Variants in ARID4A observed in about 807,000 individuals in gnomAD.
ARID4A encodes AT-rich interaction domain 4A, also known as AT-rich interactive domain-containing protein 4A.
A neutral mutation model predicts 148.6 loss-of-function variants in ARID4A; 39 were observed. The ratio of observed to expected loss-of-function variants is 0.26; its 90% CI spans 0.20 to 0.34. ARID4A has a LOEUF of 0.34. Ranked by LOEUF, ARID4A falls within the 10% of genes least tolerant of loss-of-function variation. ARID4A has a pLI of 1.00. For missense variants in ARID4A, 1,265 were observed against 1,449.1 expected, an observed-to-expected ratio of 0.87 and a Z score of 2.06; for synonymous variants, 475 against 481.2, an observed-to-expected ratio of 0.99 and a Z score of 0.17.
intron 5 of ARID4A, among the ~76,000 whole-genome samples, chr14:58,307,679 G>C (rs1337936739): frequency 1.3e-5 from 2 of 152,158 alleles, no homozygotes; most frequent in African/African-American, 4.8e-5. Context: ...AATTAGCTGG[G>C]TGTGGTGGTG....
At chr14:58,302,454 G>A (rs4638492) in intron 3 of ARID4A, among the ~76,000 whole-genome samples, 106,775 of 151,730 alleles carry the variant, frequency 0.7, 37,936 homozygotes, top group Middle Eastern at 0.87. Flanking sequence ...AGATCATGCC[G>A]TTGCACTCCA....
Position 58,364,430 on chromosome 14 carries a change from G to A in ARID4A, c.2341G>A (p.Glu781Lys), listed in dbSNP as rs1429351710. Residue 781 changes from glutamate (E) to lysine (K), a missense_variant, in exon 20 of 24, where the codon GAA (glutamate) becomes AAA (lysine). Coordinates refer to ENST00000355431, the MANE Select transcript of ARID4A (RefSeq NM_002892.4). ...TGGGAACAAAATGGAAAAAACAGAA[G>A]AAGTTAAGAAAGAAGCCGAAAAATC... ...IFGNKMEKTE[E>K]VKKEAEKSPK... 6.2e-7 allele frequency: 1 copy of A among 1,612,780 alleles called. No homozygotes were observed.
chr14:58,356,640 T>A (rs557564805), intron 17 of ARID4A, among the ~76,000 whole-genome samples: 8 of 152,196 alleles, frequency 5.3e-5, no homozygotes, highest in East Asian at 1.9e-4. Context: ...ATTTTTTTTT[T>A]AAATTTAAAA....
intron 5 of ARID4A, among the ~76,000 whole-genome samples, chr14:58,311,690 C>G (rs920076757): frequency 1.3e-5 from 2 of 152,046 alleles, no homozygotes; most frequent in African/African-American, 2.4e-5. Flanking sequence ...AAATTTAAGT[C>G]TCTATGAGCA....
chr14:58,331,205 G>A (rs1312448450), intron 11 of ARID4A: 2 of 152,192 alleles, frequency 1.3e-5, no homozygotes, highest in East Asian at 1.9e-4. Context: ...TGCCTACAGA[G>A]TTGCCATAGT....
rs373611346 is a variant in ARID4A, at chr14:58,364,398, A to C, written c.2309A>C (p.Gln770Pro). The change falls in exon 20 of 24, where the codon CAG becomes CCG. Residue 770 changes from glutamine (Q) to proline (P), a missense_variant. Physicochemically the swap from Gln to Pro is moderately conservative, Grantham distance 76. Coordinates refer to ENST00000355431, the MANE Select transcript of ARID4A (RefSeq NM_002892.4). Reference sequence around the variant, plus strand: ...GTTGGAGAGAATGAACAAATAGTACAGATTTTTGGGAACAAAATGGAAAAA... The same window carrying C: ...GTTGGAGAGAATGAACAAATAGTACCGATTTTTGGGAACAAAATGGAAAAA... ...LEVGENEQIVQIFGNKMEKTE... is the reference protein window; with the variant it reads ...LEVGENEQIVPIFGNKMEKTE... 2 of 1,611,120 alleles carry C rather than the reference A, an allele frequency of 1.2e-6. No homozygotes were observed. Among genetic ancestry groups the C allele is most frequent in the Non-Finnish European group, 1.7e-6 (2 of 1,179,448 alleles).
intron 18 of ARID4A, among the ~76,000 whole-genome samples, chr14:58,360,287 C>A (rs181216809): frequency 6.6e-6 from 1 of 152,090 alleles, no homozygotes; most frequent in Non-Finnish European, 1.5e-5. Context: ...CTCATTTAGA[C>A]GGAATGGAAC....
At chr14:58,361,524 A>C (rs1396279523) in intron 19 of ARID4A, among the ~76,000 whole-genome samples, 1 of 152,204 alleles carries the variant, frequency 6.6e-6, no homozygotes, top group Non-Finnish European at 1.5e-5. Context: ...CAATTTTCTT[A>C]CACTTATTCA....
chr14:58,334,040 C>T (rs1044522810), intron 11 of ARID4A, among the ~76,000 whole-genome samples: 1 of 151,958 alleles, frequency 6.6e-6, no homozygotes, highest in Non-Finnish European at 1.5e-5. Context: ...AACAAAAATG[C>T]CCTTATGTAT....
At chr14:58,319,897 C>T (rs888057180) in intron 7 of ARID4A, among the ~76,000 whole-genome samples, 2 of 150,926 alleles carry the variant, frequency 1.3e-5, no homozygotes, top group African/African-American at 4.8e-5. Flanking sequence ...ACATTTTTCA[C>T]ACATTTGCTT....
At chr14:58,350,914 T>C (rs939825040) in intron 15 of ARID4A, among the ~76,000 whole-genome samples, 159 bp from the exon 16 acceptor site, 5 of 152,186 alleles carry the variant, frequency 3.3e-5, no homozygotes, top group African/African-American at 4.8e-5. Flanking sequence ...AGTTATTCTT[T>C]TACTTTCAAA....
At chr14:58,334,690 A>T (rs2140202997) in intron 11 of ARID4A, among the ~76,000 whole-genome samples, 1 of 152,226 alleles carries the variant, frequency 6.6e-6, no homozygotes, top group East Asian at 1.9e-4. Context: ...GGCACAATTG[A>T]TAGTGTTTTG....
At chr14:58,359,331 G>GT (rs879522220) in intron 18 of ARID4A, 115 bp downstream of exon 18, 30 of 961,180 alleles carry the variant, frequency 3.1e-5, no homozygotes, top group Non-Finnish European at 4.5e-5. Flanking sequence ...TGAGAGCAAG[G>GT]TATATAGACC....
In ARID4A at chr14:58,366,995, G is replaced by T; in HGVS notation, c.3636G>T (p.Arg1212Ser). 1 of 1,500,432 alleles carries T rather than the reference G, an allele frequency of 6.7e-7. No homozygotes were observed. Among genetic ancestry groups the T allele is most frequent in the South Asian group, 1.4e-5 (1 of 70,004 alleles). 92.9% of individuals were successfully genotyped at this position (1,500,432 alleles called of 1,614,324 possible). A position where few individuals can be genotyped will look rare whatever the true frequency, so the allele number is the denominator to read the frequency against. The change falls in exon 23 of 24, where the codon AGG becomes AGT. Residue 1212 changes from arginine to serine, a missense_variant. This residue lies in a region of ARID4A where 666 missense variants were observed against 730.9 expected (regional missense o/e 0.91). Transcript: ENST00000355431. Reference sequence around the variant, plus strand: ...AGTCTGAAGTTGCAACCATAGACAGGAGGAGAAAAAGATTAAAAAAGAAAG... The same window carrying T: ...AGTCTGAAGTTGCAACCATAGACAGTAGGAGAAAAAGATTAAAAAAGAAAG... ...SLKSEVATIDRRRKRLKKKDR... is the reference protein window; with the variant it reads ...SLKSEVATIDSRRKRLKKKDR...
intron 5 of ARID4A, among the ~76,000 whole-genome samples, chr14:58,307,752 G>A (rs968049311): frequency 3.3e-5 from 5 of 152,116 alleles, no homozygotes; most frequent in South Asian, 2.1e-4. Context: ...TCTGGGAGGC[G>A]GAGGTTGCAG....
At chr14:58,342,944 G>A (rs906767960) in intron 11 of ARID4A, among the ~76,000 whole-genome samples, 27 of 151,830 alleles carry the variant, frequency 1.8e-4, no homozygotes, top group African/African-American at 5.8e-4. Flanking sequence ...TGAAGTTTTC[G>A]TCTGAAGAGA....
intron 8 of ARID4A, among the ~76,000 whole-genome samples, chr14:58,326,962 C>T (rs1418851171): frequency 1.3e-5 from 2 of 152,072 alleles, no homozygotes; most frequent in African/African-American, 4.8e-5. Context: ...TGAGGGTTGG[C>T]ACAGCTATAT....
intron 5 of ARID4A, among the ~76,000 whole-genome samples, chr14:58,310,101 G>T (rs2031907618): frequency 6.6e-6 from 1 of 152,102 alleles, no homozygotes; most frequent in East Asian, 1.9e-4. Flanking sequence ...CCTATCATAG[G>T]CTTTAACTCA....
intron 17 of ARID4A, among the ~76,000 whole-genome samples, chr14:58,355,532 T>C (rs2140250710): frequency 6.6e-6 from 1 of 152,326 alleles, no homozygotes; most frequent in Middle Eastern, 3.4e-3. Flanking sequence ...TCTCAAAATA[T>C]CTTAATATTT....
Sources: gnomAD v4.1 joint callset for allele counts (sites outside exome capture counted in the v4.1 genomes callset) on GRCh38, gnomAD v4.1.1 for gene constraint, gnomAD v4.1.1 regional missense constraint, MANE v1.5 for transcripts, NCBI Gene and HGNC (gene_info 2026-07-23, HGNC 2026-07-21) for gene names.